Variants in BRWD1 observed in about 807,000 individuals in gnomAD.
BRWD1 encodes the protein bromodomain and WD repeat-containing protein 1.
A neutral mutation model predicts 251.2 loss-of-function variants in BRWD1; 82 were observed. The observed-to-expected ratio is 0.33, with a 90% CI of 0.27 to 0.39. BRWD1 has a LOEUF of 0.39. Ranked by LOEUF, BRWD1 falls within the 10% of genes least tolerant of loss-of-function variation. The probability of loss-of-function intolerance (pLI) is 1.00; values close to 1 mark genes in which losing one functional copy is unlikely to be tolerated. For synonymous variants in BRWD1, 918 were observed against 902.8 expected (o/e 1.02, Z -0.30); for missense variants, 2,233 against 2,711.6 (o/e 0.82, Z 3.92).
chr21:39,261,238 T>G (rs1309073478), intron 17 of BRWD1, among the ~76,000 whole-genome samples: 1 of 152,094 alleles, frequency 6.6e-6, no homozygotes, highest in Non-Finnish European at 1.5e-5. Context: ...AAAAATTTTT[T>G]TAATTAAATA....
chr21:39,243,850 A>G (rs1490927795), intron 21 of BRWD1, among the ~76,000 whole-genome samples: 1 of 152,248 alleles, frequency 6.6e-6, no homozygotes, highest in East Asian at 1.9e-4. Context: ...GGATTAAAAC[A>G]TATTCATACA....
At position 39,187,712 on chromosome 21, in the gene BRWD1, A is replaced by T; in HGVS notation, c.*8547T>A. On this transcript the variant is annotated 3_prime_UTR_variant, in exon 41 of 41. Coordinates refer to ENST00000342449, the MANE Select transcript of BRWD1 (RefSeq NM_033656.4). ...CTGCTAATCTAAAAACATATATATG[A>T]GCATTTTACATAATTTGAATTACTA... is the stretch of plus-strand genomic sequence containing the variant. 1.0e-6 allele frequency: 1 copy of T among 985,284 alleles called. No homozygotes were observed. Among genetic ancestry groups the T allele is most frequent in the African/African-American group, 1.7e-5 (1 of 57,356 alleles). 61.0% of individuals were successfully genotyped at this position (985,284 alleles called of 1,614,324 possible).
intron 23 of BRWD1, among the ~76,000 whole-genome samples, chr21:39,233,202 G>A (rs572287742): frequency 3.4e-4 from 51 of 152,134 alleles, no homozygotes; most frequent in African/African-American, 1.1e-3. Context: ...GAATAAGCTC[G>A]GAAAGAATAT....
Position 39,195,000 on chromosome 21 carries a change from T to C in BRWD1, c.*1259A>G. 3 of 1,426,434 alleles carry C rather than the reference T, an allele frequency of 2.1e-6. No individual in the cohort carries two copies. Among genetic ancestry groups the C allele is most frequent in the East Asian group, 2.5e-5 (1 of 39,452 alleles). 88.4% of individuals were successfully genotyped at this position (1,426,434 alleles called of 1,614,324 possible). A position where few individuals can be genotyped will look rare whatever the true frequency, so the allele number is the denominator to read the frequency against. ...CACAAACAAGTTAGGAATGGCCATC[T>C]ACACTGGAGTAGCATAACCTATCAA... is the stretch of plus-strand genomic sequence containing the variant. On this transcript the variant is annotated 3_prime_UTR_variant, in exon 41 of 41. Transcript: ENST00000342449.
chr21:39,231,085 A>C (rs2033597593), intron 25 of BRWD1, among the ~76,000 whole-genome samples: 1 of 152,166 alleles, frequency 6.6e-6, no homozygotes, highest in South Asian at 2.1e-4. Flanking sequence ...AAGCAGAGCC[A>C]TTAAGTTGAA....
chr21:39,193,700 C>T lies in BRWD1; in HGVS notation c.*2559G>A, dbSNP rs1312444762. ...GATCAGTTCACATTCAAATTATAAC[C>T]CTTTATCTTTTTCTCAAGAATACTA... is the stretch of plus-strand genomic sequence containing the variant. On this transcript the variant is annotated 3_prime_UTR_variant, in exon 41 of 41. Transcript: ENST00000342449. 5 of 985,272 alleles carry T rather than the reference C, an allele frequency of 5.1e-6. No homozygotes were observed. The highest frequency in any genetic ancestry group is 6.0e-6 in the Non-Finnish European group (5 of 829,644). The allele number at this position is 985,272 out of a possible 1,614,324, so 61.0% of individuals were successfully genotyped here. A position where few individuals can be genotyped will look rare whatever the true frequency, so the allele number is the denominator to read the frequency against.
At chr21:39,257,186 G>A (rs2146630645) in intron 18 of BRWD1, among the ~76,000 whole-genome samples, 1 of 142,440 alleles carries the variant, frequency 7.0e-6, no homozygotes, top group African/African-American at 2.7e-5. Flanking sequence ...ACACAGAGGA[G>A]TAGTATGAAG....
intron 17 of BRWD1, among the ~76,000 whole-genome samples, chr21:39,261,578 C>CT (rs1227039675): frequency 6.6e-6 from 1 of 152,106 alleles, no homozygotes; most frequent in Non-Finnish European, 1.5e-5. Flanking sequence ...AAATAAATAT[C>CT]TCAGTATTGT....
intron 1 of BRWD1, among the ~76,000 whole-genome samples, chr21:39,318,907 G>A (rs146712911): frequency 1.8e-3 from 274 of 152,248 alleles, no homozygotes; most frequent in Non-Finnish European, 2.9e-3. Context: ...AATTCCCTAG[G>A]AAGAGGAGAG....
rs556057473 is a variant in BRWD1 at position 39,304,066 on chromosome 21, G to A, written c.199-5484C>T. 1.9e-4 allele frequency among the ~76,000 whole-genome samples: 28 copies of A among 149,584 alleles called. 2 individuals are homozygous for A. The highest frequency in any genetic ancestry group is 6.4e-4 in the African/African-American group (26 of 40,694). On this transcript the variant is annotated intron_variant, in intron 4 of 40. Transcript: ENST00000342449. Reference sequence around the variant, plus strand: ...TTAGGCAGGAGAATCGCTTGAACCCGGGAGGCGGAGGTTGCAGTGAGCCGA... The same window carrying A: ...TTAGGCAGGAGAATCGCTTGAACCCAGGAGGCGGAGGTTGCAGTGAGCCGA...
At chr21:39,241,566 G>T (rs1226730830) in intron 21 of BRWD1, among the ~76,000 whole-genome samples, 2 of 146,846 alleles carry the variant, frequency 1.4e-5, no homozygotes, top group African/African-American at 2.5e-5. Context: ...TGTACAGAAG[G>T]GAAGTACAAA....
chr21:39,245,846 C>T (rs569992138), intron 21 of BRWD1, among the ~76,000 whole-genome samples: 2 of 152,234 alleles, frequency 1.3e-5, no homozygotes, highest in Admixed American at 6.5e-5. Flanking sequence ...GAGTCATCTG[C>T]CCACCTTGGC....
At chr21:39,303,828 A>G (rs916641053) in intron 4 of BRWD1, among the ~76,000 whole-genome samples, 1 of 151,666 alleles carries the variant, frequency 6.6e-6, no homozygotes, top group African/African-American at 2.4e-5. Flanking sequence ...GTCTCAAAAA[A>G]AAAAAGAAAA....
intron 15 of BRWD1, among the ~76,000 whole-genome samples, 170 bp downstream of exon 15, chr21:39,269,729 T>C (rs1443779898): frequency 2.6e-5 from 4 of 152,202 alleles, no homozygotes; most frequent in African/African-American, 4.8e-5. Flanking sequence ...GAGAATTTCA[T>C]GTATGTACGT....
At chr21:39,234,127 CA>C (rs2033725308) in intron 23 of BRWD1, among the ~76,000 whole-genome samples, 1 of 152,122 alleles carries the variant, frequency 6.6e-6, no homozygotes, top group East Asian at 1.9e-4. Context: ...AACCAACAAT[CA>C]AAAGCCTCTA....
chr21:39,192,828 T>C lies in BRWD1; in HGVS notation c.*3431A>G, dbSNP rs553304226. 2.0e-6 allele frequency: 2 copies of C among 985,160 alleles called. No homozygotes were observed. Among genetic ancestry groups the C allele is most frequent in the Middle Eastern group, 5.2e-4 (1 of 1,914 alleles). 61.0% of individuals were successfully genotyped at this position (985,160 alleles called of 1,614,324 possible). A position where few individuals can be genotyped will look rare whatever the true frequency, so the allele number is the denominator to read the frequency against. ...GATATACAAACCTCTGGGGTTTCAG[T>C]TGGCACAATCAAGTTCAACTTGTAC... On this transcript the variant is annotated 3_prime_UTR_variant, in exon 41 of 41. Coordinates refer to ENST00000342449, the MANE Select transcript of BRWD1 (RefSeq NM_033656.4).
chr21:39,240,900 C>CTTT (rs71184666), intron 21 of BRWD1, among the ~76,000 whole-genome samples: 1 of 148,014 alleles, frequency 6.8e-6, no homozygotes, highest in Non-Finnish European at 1.5e-5. Context: ...GTAAGTAAAT[C>CTTT]TTTTTTTTTT....
At chr21:39,241,759 A>G (rs1202097789) in intron 21 of BRWD1, among the ~76,000 whole-genome samples, 1 of 152,126 alleles carries the variant, frequency 6.6e-6, no homozygotes, top group Non-Finnish European at 1.5e-5. Flanking sequence ...CCCTGAACCC[A>G]GTAAATTTAT....
At chr21:39,313,019 G>C (rs1461163309) in intron 3 of BRWD1, 53 bp downstream of exon 3, 2 of 1,293,324 alleles carry the variant, frequency 1.5e-6, no homozygotes, top group Non-Finnish European at 2.0e-6. Flanking sequence ...CATCCCTCAG[G>C]GCAAGGTCGG....
Sources: allele counts gnomAD v4.1 joint callset (sites outside exome capture counted in the v4.1 genomes callset), GRCh38; gene constraint gnomAD v4.1.1; transcripts MANE v1.5; gene names NCBI Gene and HGNC (gene_info 2026-07-23, HGNC 2026-07-21).